The following P2RX3 variants were observed in gnomAD, a reference collection of about 807,000 sequenced individuals.
The protein encoded by P2RX3 is P2X purinoceptor 3.
A neutral mutation model predicts 51.5 loss-of-function variants in P2RX3; 41 were observed. The observed-to-expected ratio is 0.80, with a 90% CI of 0.62 to 1.03. The LOEUF is 1.03. Ranked by LOEUF, P2RX3 falls within the 50% of genes least tolerant of loss-of-function variation. P2RX3 has a pLI of 0.00. For synonymous variants in P2RX3, 185 were observed against 191.6 expected (o/e 0.97, Z 0.29); for missense variants, 459 against 522.1 (o/e 0.88, Z 1.18).
intron 8 of P2RX3, among the ~76,000 whole-genome samples, chr11:57,365,813 C>T (rs919248431): frequency 6.6e-6 from 1 of 152,222 alleles, no homozygotes; most frequent in Non-Finnish European, 1.5e-5. Flanking sequence ...GTTCTCCTTC[C>T]CCATCACAAG....
At chr11:57,346,795 T>C (rs992893353) in intron 2 of P2RX3, 116 bp downstream of exon 2, 26 of 1,411,974 alleles carry the variant, frequency 1.8e-5, no homozygotes, top group Non-Finnish European at 2.4e-5. Flanking sequence ...ATGATGTCAC[T>C]GATCCAGAGG....
At position 57,369,943 on chromosome 11, in the gene P2RX3, G is replaced by A; in HGVS notation, c.1140G>A (p.Gln380=). ...ALTNPVYPSD[Q]TTAEKQSTDS... ...CCAACCCAGTGTACCCCAGCGACCA[G>A]ACCACAGCGGAGAAGCAGTCCACCG... Residue 380 remains glutamine (Q), a synonymous_variant, in exon 12 of 12, where the codon CAG becomes CAA. Transcript: ENST00000263314. 6.2e-7 allele frequency: 1 copy of A among 1,614,092 alleles called. No homozygotes were observed. The highest frequency in any genetic ancestry group is 8.5e-7 in the Non-Finnish European group (1 of 1,179,996).
intron 8 of P2RX3, among the ~76,000 whole-genome samples, chr11:57,360,851 C>T (rs117941267): frequency 0.018 from 2,794 of 151,744 alleles, 35 homozygotes; most frequent in Middle Eastern, 0.034. Context: ...GCTCATAGTC[C>T]GTAGTCCAAA....
At chr11:57,343,831 A>C (rs1218344692) in intron 1 of P2RX3, among the ~76,000 whole-genome samples, 1 of 152,178 alleles carries the variant, frequency 6.6e-6, no homozygotes, top group African/African-American at 2.4e-5. Flanking sequence ...CAGCCATCTT[A>C]GCTGGAAGCA....
At chr11:57,357,525 C>T (rs1386309052) in intron 8 of P2RX3, among the ~76,000 whole-genome samples, 1 of 152,072 alleles carries the variant, frequency 6.6e-6, no homozygotes. Context: ...GAAACTGAGG[C>T]CAAAAAGATC....
chr11:57,349,021 G>A (rs528323065), intron 6 of P2RX3, among the ~76,000 whole-genome samples: 9 of 152,238 alleles, frequency 5.9e-5, no homozygotes, highest in Non-Finnish European at 8.8e-5. Context: ...AAACCCTTTC[G>A]GTCTCGTCCC....
intron 8 of P2RX3, among the ~76,000 whole-genome samples, chr11:57,361,140 C>A (rs959292103): frequency 2.0e-5 from 3 of 152,210 alleles, no homozygotes; most frequent in African/African-American, 7.2e-5. Context: ...ACCCACCAGC[C>A]CACCAACCCT....
At chr11:57,358,827 G>A (rs1411417245) in intron 8 of P2RX3, among the ~76,000 whole-genome samples, 7 of 152,258 alleles carry the variant, frequency 4.6e-5, no homozygotes, top group East Asian at 1.9e-4. Flanking sequence ...GGTAATTGAC[G>A]TTTGTACTTA....
At chr11:57,348,375 T>A (rs1856481500) in intron 5 of P2RX3, 112 bp downstream of exon 5, 5 of 1,070,408 alleles carry the variant, frequency 4.7e-6, no homozygotes, top group Non-Finnish European at 6.7e-6. Context: ...TTCTCCAGTG[T>A]TGTCCCTTCC....
rs1168393796 is a variant in P2RX3, at chr11:57,347,408, C to A, written c.328-7C>A. On this transcript the variant is annotated splice_region_variant and splice_polypyrimidine_tract_variant and intron_variant, in intron 3 of 11. Coordinates refer to ENST00000263314, the MANE Select transcript of P2RX3 (RefSeq NM_002559.5). ...CCTTCACCAACCTGTGACCCGTCTGCCCACAGAGTGAGGAGAAATACCGCT... is the reference window on the plus strand; with the variant it reads ...CCTTCACCAACCTGTGACCCGTCTGACCACAGAGTGAGGAGAAATACCGCT... 6.4e-7 allele frequency: 1 copy of A among 1,558,114 alleles called. No individual in the cohort carries two copies. Among genetic ancestry groups the A allele is most frequent in the African/African-American group, 1.4e-5 (1 of 73,482 alleles).
chr11:57,338,709 G>C (rs1207937101), intron 1 of P2RX3, 40 bp downstream of exon 1: 4 of 1,424,564 alleles, frequency 2.8e-6, no homozygotes, highest in Non-Finnish European at 3.9e-6. Context: ...GGGGTGGGCT[G>C]CCTGGTATCC....
In P2RX3 at chr11:57,349,849, G is replaced by C; in HGVS notation, c.656G>C (p.Gly219Ala). The C allele has an allele frequency of 3.1e-6, 5 of 1,614,228 alleles. No homozygotes were observed. Among genetic ancestry groups the C allele is most frequent in the Non-Finnish European group, 4.2e-6 (5 of 1,180,036 alleles). Residue 219 changes from glycine (G) to alanine (A), a missense_variant, in exon 7 of 12, where the codon GGG (glycine) becomes GCG (alanine). Physicochemically the swap from Gly to Ala is moderately conservative, Grantham distance 60 (BLOSUM62 0). Transcript: ENST00000263314. ...KDPFCPILRVGDVVKFAGQDF... is the reference protein window; with the variant it reads ...KDPFCPILRVADVVKFAGQDF... ...CCTTTCTGCCCCATCTTGCGGGTAG[G>C]GGACGTGGTCAAGTTTGCGGGGCAG...
chr11:57,348,368 T>C (rs963055523), intron 5 of P2RX3, 105 bp downstream of exon 5: 2 of 1,088,682 alleles, frequency 1.8e-6, no homozygotes, highest in African/African-American at 1.6e-5. Flanking sequence ...TGTGGCTTTC[T>C]CCAGTGTTGT....
intron 8 of P2RX3, among the ~76,000 whole-genome samples, chr11:57,353,837 TCC>T (rs3837409): frequency 0.14 from 16,964 of 120,974 alleles, 1,419 homozygotes; most frequent in Non-Finnish European, 0.16. Flanking sequence ...CAAATGTCAC[TCC>T]CCCCCCCCCG....
intron 8 of P2RX3, among the ~76,000 whole-genome samples, chr11:57,351,654 C>T (rs1379793574): frequency 1.3e-5 from 2 of 152,212 alleles, no homozygotes; most frequent in African/African-American, 4.8e-5. Flanking sequence ...ATTCAATTAA[C>T]CAATGTGTGA....
In P2RX3 at chr11:57,371,635, C is replaced by T. The variant is rs1440945951; in HGVS notation, c.*1638C>T. ...CCACATAAAGCTCAACACCCCTTCC[C>T]TCACTCTGCCCTAACCCACAGCCCC... On this transcript the variant is annotated 3_prime_UTR_variant, in exon 12 of 12. Coordinates refer to ENST00000263314, the MANE Select transcript of P2RX3 (RefSeq NM_002559.5). Among the ~76,000 whole-genome samples, 1 of 152,242 alleles carries T rather than the reference C, an allele frequency of 6.6e-6. No homozygotes were observed. The highest frequency in any genetic ancestry group is 2.4e-5 in the African/African-American group (1 of 41,464).
chr11:57,368,238 A>G (rs760846819), intron 9 of P2RX3, 134 bp from the exon 10 acceptor site: 33 of 1,305,972 alleles, frequency 2.5e-5, no homozygotes, highest in Non-Finnish European at 3.5e-5. Context: ...TCACTCTCCC[A>G]TCAATTCACC....
chr11:57,368,643 T>A (rs1438070274), intron 10 of P2RX3, among the ~76,000 whole-genome samples: 1 of 152,202 alleles, frequency 6.6e-6, no homozygotes. Flanking sequence ...GGAGAGCTCA[T>A]TACCTCCGGA....
chr11:57,350,918 G>A lies in P2RX3; in HGVS notation c.842+20G>A. The A allele has an allele frequency of 6.2e-7, 1 of 1,613,978 alleles. No individual in the cohort carries two copies. The highest frequency in any genetic ancestry group is 8.5e-7 in the Non-Finnish European group (1 of 1,179,936). ...CTTCAGGTAATTCCCTGTCTCCTGG[G>A]ACACCAGGAGAAGAAGGTGCGGGCT... On this transcript the variant is annotated intron_variant, in intron 8 of 11. Transcript: ENST00000263314.
Sources: gnomAD v4.1 joint callset for allele counts (sites outside exome capture counted in the v4.1 genomes callset) on GRCh38, gnomAD v4.1.1 for gene constraint, MANE v1.5 for transcripts, NCBI Gene and HGNC (gene_info 2026-07-23, HGNC 2026-07-21) for gene names.